The following HECW2 variants were observed in gnomAD, a reference collection of about 807,000 sequenced individuals.
HECW2 encodes HECT, C2 and WW domain containing E3 ubiquitin protein ligase 2, also known as E3 ubiquitin-protein ligase HECW2.
A neutral mutation model predicts 175.2 loss-of-function variants in HECW2; 61 were observed. That is an observed-to-expected ratio of 0.35 (90% CI 0.28 to 0.43). The LOEUF (loss-of-function observed/expected upper bound fraction) is 0.43. Among genes scored for constraint, HECW2 ranks in the 20% least tolerant of loss-of-function variants. HECW2 has a pLI of 1.00. For missense variants in HECW2, 1,524 were observed against 2,000.5 expected (o/e 0.76, Z 4.54); for synonymous variants, 671 against 731.0 (o/e 0.92, Z 1.32).
At chr2:196,387,577 T>C (rs918111174) in intron 2 of HECW2, among the ~76,000 whole-genome samples, 5 of 152,202 alleles carry the variant, frequency 3.3e-5, no homozygotes, top group Non-Finnish European at 5.9e-5. Context: ...TCTTCTGTTA[T>C]GGGAGCCTGA....
intron 2 of HECW2, among the ~76,000 whole-genome samples, chr2:196,379,961 AT>A (rs916657334): frequency 2.0e-5 from 3 of 151,996 alleles, no homozygotes; most frequent in Non-Finnish European, 4.4e-5. Flanking sequence ...GACATAATAA[AT>A]AAATTGTTAA....
intron 21 of HECW2, among the ~76,000 whole-genome samples, chr2:196,235,657 T>A (rs1688221954): frequency 9.2e-6 from 1 of 108,366 alleles, no homozygotes; most frequent in African/African-American, 4.5e-5. Flanking sequence ...TCTTTTTTTT[T>A]TTTTTTTTTT....
chr2:196,344,991 T>C (rs1173942481), intron 2 of HECW2, among the ~76,000 whole-genome samples: 1 of 152,178 alleles, frequency 6.6e-6, no homozygotes, highest in Non-Finnish European at 1.5e-5. Context: ...AGTTTCATCA[T>C]ATTGAAAAGC....
intron 19 of HECW2, among the ~76,000 whole-genome samples, chr2:196,253,508 G>T (rs1204770707): frequency 2.6e-5 from 4 of 152,166 alleles, no homozygotes; most frequent in Non-Finnish European, 5.9e-5. Flanking sequence ...TTAATGAATT[G>T]CAGGAATGTC....
intron 17 of HECW2, among the ~76,000 whole-genome samples, chr2:196,258,276 G>A (rs1015489129): frequency 6.6e-6 from 1 of 152,162 alleles, no homozygotes. Flanking sequence ...CTGATGCCCT[G>A]CTGTTCCAAA....
At chr2:196,398,392 T>G (rs936260102) in intron 2 of HECW2, among the ~76,000 whole-genome samples, 2 of 152,230 alleles carry the variant, frequency 1.3e-5, no homozygotes. Flanking sequence ...GTTATACCAT[T>G]ACTACAGGTC....
chr2:196,547,619 G>A (rs2125477701), intron 1 of HECW2, among the ~76,000 whole-genome samples: 1 of 152,294 alleles, frequency 6.6e-6, no homozygotes, highest in East Asian at 1.9e-4. Flanking sequence ...AGATTCAGGT[G>A]CCACCACACA....
intron 22 of HECW2, 149 bp from the exon 23 acceptor site, chr2:196,226,019 G>A: frequency 1.7e-6 from 1 of 596,082 alleles, no homozygotes; most frequent in Non-Finnish European, 3.1e-6. Flanking sequence ...TAGGCACCAT[G>A]GGCTGTGTCT....
At chr2:196,292,520 G>A in intron 14 of HECW2, 45 bp downstream of exon 14, 1 of 1,551,114 alleles carries the variant, frequency 6.4e-7, no homozygotes, top group Non-Finnish European at 8.8e-7. Flanking sequence ...GCCACAAGCA[G>A]CCCACAGGCA....
chr2:196,431,001 G>A (rs1427085160), intron 2 of HECW2, among the ~76,000 whole-genome samples: 1 of 152,060 alleles, frequency 6.6e-6, no homozygotes, highest in East Asian at 1.9e-4. Flanking sequence ...ACAAACTGCT[G>A]GAAACCAAGA....
intron 1 of HECW2, among the ~76,000 whole-genome samples, chr2:196,585,596 A>G (rs1245560941): frequency 7.2e-5 from 11 of 152,158 alleles, no homozygotes; most frequent in Non-Finnish European, 1.5e-5. Context: ...ATCTGCCTAG[A>G]TAACAGTGAT....
chr2:196,206,965 A>C (rs2105774396), intron 28 of HECW2, among the ~76,000 whole-genome samples: 1 of 152,332 alleles, frequency 6.6e-6, no homozygotes, highest in Middle Eastern at 3.4e-3. Flanking sequence ...CAAGGCTTGA[A>C]AGATTTGTAG....
intron 1 of HECW2, among the ~76,000 whole-genome samples, chr2:196,587,112 G>A (rs1691011419): frequency 6.6e-6 from 1 of 152,110 alleles, no homozygotes; most frequent in Non-Finnish European, 1.5e-5. Context: ...CTTTAATGAT[G>A]CTAATAGAAT....
intron 1 of HECW2, among the ~76,000 whole-genome samples, chr2:196,576,104 A>G (rs1690552838): frequency 6.7e-6 from 1 of 149,574 alleles, no homozygotes; most frequent in Non-Finnish European, 1.5e-5. Context: ...CAGTGTTTAT[A>G]TATGTTTAGA....
chr2:196,481,407 G>C (rs1686839522), intron 1 of HECW2, among the ~76,000 whole-genome samples: 2 of 152,148 alleles, frequency 1.3e-5, no homozygotes, highest in Admixed American at 1.3e-4. Context: ...TTGTGCCCTA[G>C]AGCATAAATG....
intron 14 of HECW2, among the ~76,000 whole-genome samples, chr2:196,280,408 T>C (rs1690141950): frequency 6.6e-6 from 1 of 152,212 alleles, no homozygotes; most frequent in Non-Finnish European, 1.5e-5. Context: ...GAACTCTATG[T>C]ACATCATCAA....
At position 196,257,897 on chromosome 2, in the gene HECW2, G is replaced by A. The variant is rs765045560; in HGVS notation, c.3345C>T (p.Ile1115=). The A allele has an allele frequency of 6.2e-7, 1 of 1,613,090 alleles. No individual in the cohort carries two copies. The highest frequency in any genetic ancestry group is 1.1e-5 in the South Asian group (1 of 91,052). Residue 1115 remains isoleucine (I), a synonymous_variant, in exon 18 of 29, where the codon ATC becomes ATT. Coordinates refer to ENST00000644978, the MANE Select transcript of HECW2 (RefSeq NM_001348768.2). ...GAGTCCCTTCAGTTCGGATAAATTGGATCTTCTCCCTAATCAAGAAAAGAA... is the reference window on the plus strand; with the variant it reads ...GAGTCCCTTCAGTTCGGATAAATTGAATCTTCTCCCTAATCAAGAAAAGAA... The part of the protein sequence containing the change: ...LTRNHSLREK[I]QFIRTEGTPG...
rs528690804 is a variant in HECW2, at chr2:196,436,367, C to T, written c.-35-2909G>A. ...AGTGAGCAGAGATTGCACCACTGGACTCCAGTCTGGGCGACAGAGCGAGAC... is the reference window on the plus strand; with the variant it reads ...AGTGAGCAGAGATTGCACCACTGGATTCCAGTCTGGGCGACAGAGCGAGAC... On this transcript the variant is annotated intron_variant, in intron 1 of 28. Transcript: ENST00000644978. Among the ~76,000 whole-genome samples the T allele has an allele frequency of 3.5e-5, 5 of 141,818 alleles. No homozygotes were observed. The South Asian group carries it at 1.1e-3, about 31-fold the overall frequency. 93.0% of individuals were successfully genotyped at this position (141,818 alleles called of 152,430 possible).
At chr2:196,481,876 T>C (rs1686854922) in intron 1 of HECW2, among the ~76,000 whole-genome samples, 1 of 152,112 alleles carries the variant, frequency 6.6e-6, no homozygotes, top group South Asian at 2.1e-4. Flanking sequence ...TAAGAGACTG[T>C]TCCCATAAAA....
Sources: allele counts gnomAD v4.1 joint callset (sites outside exome capture counted in the v4.1 genomes callset), GRCh38; gene constraint gnomAD v4.1.1; transcripts MANE v1.5; gene names NCBI Gene and HGNC (gene_info 2026-07-23, HGNC 2026-07-21).